Variants in MYO1D observed in about 807,000 individuals in gnomAD.
MYO1D encodes myosin ID.
Under a neutral mutation model 122.0 loss-of-function variants are expected in MYO1D, and 83 were observed. That is an observed-to-expected ratio of 0.68 (90% CI 0.57 to 0.82). The LOEUF is 0.82. Ranked by LOEUF, MYO1D falls within the 40% of genes least tolerant of loss-of-function variation. The pLI, the probability that MYO1D is intolerant of heterozygous loss-of-function variation, is 0.00. For synonymous variants in MYO1D, 464 were observed against 446.9 expected (o/e 1.04, Z -0.48); for missense variants, 1,157 against 1,269.5 (o/e 0.91, Z 1.35).
intron 19 of MYO1D, among the ~76,000 whole-genome samples, chr17:32,642,790 G>A (rs893334051): frequency 3.9e-5 from 6 of 152,178 alleles, no homozygotes; most frequent in African/African-American, 9.7e-5. Context: ...CTGAGAGTTT[G>A]CTGAAGTTGC....
intron 1 of MYO1D, among the ~76,000 whole-genome samples, chr17:32,849,359 T>C (rs1363157264): frequency 6.8e-6 from 1 of 147,860 alleles, no homozygotes; most frequent in African/African-American, 2.6e-5. Flanking sequence ...TAAAGACACA[T>C]GCACACGTAT....
In MYO1D at chr17:32,601,332, A is replaced by T. The variant is rs1283004894; in HGVS notation, c.2864+3755T>A. On this transcript the variant is annotated intron_variant, in intron 21 of 21. Transcript: ENST00000318217. ...TAGGGTTATTAACTGACCTAATTTC[A>T]ATCTTGTTGTATCTCAGGGAATAGG... 2.0e-5 allele frequency among the ~76,000 whole-genome samples: 3 copies of T among 152,120 alleles called. No individual in the cohort carries two copies. The East Asian group carries it at 5.8e-4, about 29-fold the overall frequency.
rs2089227664 is a variant in MYO1D, at chr17:32,700,174, T to A, written c.2121+11814A>T. Among the ~76,000 whole-genome samples the A allele has an allele frequency of 2.0e-5, 3 of 152,356 alleles. No individual in the cohort carries two copies. In the South Asian group the frequency reaches 6.2e-4, roughly 32 times the overall value. On this transcript the variant is annotated intron_variant, in intron 16 of 21. Coordinates refer to ENST00000318217, the MANE Select transcript of MYO1D (RefSeq NM_015194.3). ...CCAACTTTTTGGCACCAAGGACCAA[T>A]TTCATGGAAGACAGTTTTTCTATGG...
At chr17:32,757,540 A>G (rs1216373812) in intron 10 of MYO1D, among the ~76,000 whole-genome samples, 2 of 152,124 alleles carry the variant, frequency 1.3e-5, no homozygotes, top group Non-Finnish European at 2.9e-5. Flanking sequence ...TACATTTCTA[A>G]TTAGGGAGAA....
chr17:32,789,791 G>A (rs1446097212), intron 1 of MYO1D, among the ~76,000 whole-genome samples: 1 of 152,138 alleles, frequency 6.6e-6, no homozygotes, highest in African/African-American at 2.4e-5. Context: ...AAGGATTGAC[G>A]ACCACTGCCA....
chr17:32,777,248 T>A (rs2090182045), intron 3 of MYO1D, among the ~76,000 whole-genome samples: 1 of 152,158 alleles, frequency 6.6e-6, no homozygotes. Flanking sequence ...AAAATGCCTC[T>A]CCTGGCCCAG....
intron 21 of MYO1D, among the ~76,000 whole-genome samples, chr17:32,581,579 CT>C (rs996827776): frequency 2.7e-5 from 4 of 149,042 alleles, no homozygotes; most frequent in African/African-American, 4.9e-5. Context: ...CTCTCGCTCT[CT>C]TTTTTTTTCC....
intron 21 of MYO1D, among the ~76,000 whole-genome samples, chr17:32,555,909 G>C (rs572719591): frequency 1.4e-4 from 22 of 152,348 alleles, no homozygotes; most frequent in African/African-American, 5.3e-4. Flanking sequence ...CCGAGCCTGA[G>C]CTGAAGTGTC....
At chr17:32,569,795 C>T (rs751325214) in intron 21 of MYO1D, among the ~76,000 whole-genome samples, 7 of 151,996 alleles carry the variant, frequency 4.6e-5, no homozygotes, top group South Asian at 2.1e-4. Flanking sequence ...ATCTTTAGCA[C>T]GTATAACTTG....
intron 18 of MYO1D, among the ~76,000 whole-genome samples, 155 bp from the exon 19 acceptor site, chr17:32,654,102 T>C (rs1263679945): frequency 6.6e-6 from 1 of 152,222 alleles, no homozygotes; most frequent in Non-Finnish European, 1.5e-5. Flanking sequence ...AAATGGTTGT[T>C]GTAACATCAA....
intron 1 of MYO1D, among the ~76,000 whole-genome samples, chr17:32,796,016 G>A: frequency 6.6e-6 from 1 of 152,198 alleles, no homozygotes; most frequent in East Asian, 1.9e-4. Flanking sequence ...TAACGGTGCT[G>A]AGTGTCCAAT....
At chr17:32,652,424 G>C (rs2088405189) in intron 19 of MYO1D, among the ~76,000 whole-genome samples, 1 of 151,910 alleles carries the variant, frequency 6.6e-6, no homozygotes, top group African/African-American at 2.4e-5. Flanking sequence ...TTTATTATGA[G>C]GTAATTCTTT....
chr17:32,638,515 T>A (rs1162927751), intron 20 of MYO1D, among the ~76,000 whole-genome samples: 2 of 152,214 alleles, frequency 1.3e-5, no homozygotes, highest in Non-Finnish European at 2.9e-5. Context: ...TCCTTACACT[T>A]TAAAAAATGT....
chr17:32,567,268 G>T (rs225205), intron 21 of MYO1D, among the ~76,000 whole-genome samples: 63,416 of 152,036 alleles, frequency 0.42, 13,339 homozygotes, highest in East Asian at 0.53. Context: ...CAGAGAACAC[G>T]ACTCAGCAAG....
Position 32,654,252 on chromosome 17 carries a change from T to C in MYO1D, c.2490+225A>G, listed in dbSNP as rs368541804. ...GTTTAAATGGTCAAAGGCCAGGTTA[T>C]AGAGTGTATTTAATACATATGGATA... On this transcript the variant is annotated intron_variant, in intron 18 of 21. Transcript: ENST00000318217. 1.2e-4 allele frequency among the ~76,000 whole-genome samples: 19 copies of C among 152,332 alleles called. No individual in the cohort carries two copies. The East Asian group carries it at 2.7e-3, about 22-fold the overall frequency.
chr17:32,818,296 C>T (rs2090631039), intron 1 of MYO1D, among the ~76,000 whole-genome samples: 1 of 151,958 alleles, frequency 6.6e-6, no homozygotes, highest in Non-Finnish European at 1.5e-5. Context: ...AACTGTGGAT[C>T]GCTGCTGCCC....
At chr17:32,745,333 GC>G (rs762322516) in intron 12 of MYO1D, 48 bp from the exon 13 acceptor site, 1 of 1,265,360 alleles carries the variant, frequency 7.9e-7, no homozygotes, top group South Asian at 1.3e-5. Flanking sequence ...CCAAGCAAGA[GC>G]CACATTTAAG....
chr17:32,714,160 C>G (rs1302594049), intron 15 of MYO1D, among the ~76,000 whole-genome samples: 1 of 151,750 alleles, frequency 6.6e-6, no homozygotes, highest in African/African-American at 2.4e-5. Context: ...TACAAATCAG[C>G]CCATTACCTA....
intron 1 of MYO1D, among the ~76,000 whole-genome samples, chr17:32,862,542 A>G (rs1369967790): frequency 2.0e-5 from 3 of 152,252 alleles, no homozygotes; most frequent in African/African-American, 7.2e-5. Context: ...AAAAGACTGT[A>G]AAGGAAATAA....
Sources: allele counts gnomAD v4.1 joint callset (sites outside exome capture counted in the v4.1 genomes callset), GRCh38; gene constraint gnomAD v4.1.1; transcripts MANE v1.5; gene names NCBI Gene and HGNC (gene_info 2026-07-23, HGNC 2026-07-21).